The following MPC2 variants were observed in gnomAD, a reference collection of about 807,000 sequenced individuals.
MPC2 encodes brain protein 44.
MPC2 carries 19 observed loss-of-function variants against 19.2 expected under a neutral mutation model. That is an observed-to-expected ratio of 0.99 (90% CI 0.69 to 1.45). The LOEUF (loss-of-function observed/expected upper bound fraction) is 1.45. Ranked by LOEUF, MPC2 falls within the 40% of genes most tolerant of loss-of-function variation. The probability of loss-of-function intolerance (pLI) is 0.00; values close to 1 mark genes in which losing one functional copy is unlikely to be tolerated. For missense variants in MPC2, 122 were observed against 153.0 expected (o/e 0.80, Z 1.07); for synonymous variants, 61 against 54.3 (o/e 1.12, Z -0.54).
chr1:167,919,989 G>C lies in MPC2; in HGVS notation c.337C>G (p.Arg113Gly), dbSNP rs17343090. 1 of 1,609,720 alleles carries C rather than the reference G, an allele frequency of 6.2e-7. No individual in the cohort carries two copies. The highest frequency in any genetic ancestry group is 8.5e-7 in the Non-Finnish European group (1 of 1,178,246). Reference sequence around the variant, plus strand: ...CTCTGGTAGGCTTACCTCCAAATACGAAAAAGCTGAGAGGCTCCTGCTGCC... The same window carrying C: ...CTCTGGTAGGCTTACCTCCAAATACCAAAAAGCTGAGAGGCTCCTGCTGCC... Reference protein sequence around the residue: ...VGAAGASQLFRIWRYNQELKA... With the variant: ...VGAAGASQLFGIWRYNQELKA... The change falls in exon 5 of 6, where the codon CGT becomes GGT. Residue 113 changes from arginine (R) to glycine (G), a missense_variant. Physicochemically the swap from Arg to Gly is moderately radical, Grantham distance 125 (BLOSUM62 -2). Transcript: ENST00000271373.
chr1:167,927,449 G>A (rs1047903194), intron 2 of MPC2, among the ~76,000 whole-genome samples: 8 of 152,192 alleles, frequency 5.3e-5, no homozygotes, highest in Non-Finnish European at 5.9e-5. Context: ...ACTAAGTTTA[G>A]TTTTTATCCT....
intron 1 of MPC2, 76 bp downstream of exon 1, chr1:167,936,862 TC>T: frequency 1.2e-6 from 1 of 812,604 alleles, no homozygotes; most frequent in Non-Finnish European, 2.0e-6. Context: ...CTCCCCCTCC[TC>T]CCCTCCCCCA....
chr1:167,935,633 T>TA, intron 2 of MPC2, 100 bp downstream of exon 2: 1 of 915,090 alleles, frequency 1.1e-6, no homozygotes, highest in South Asian at 1.5e-5. Flanking sequence ...ATTGGGGCTG[T>TA]GGATGCCTCT....
intron 2 of MPC2, among the ~76,000 whole-genome samples, chr1:167,932,556 C>G (rs534499566): frequency 6.6e-6 from 1 of 152,040 alleles, no homozygotes; most frequent in South Asian, 2.1e-4. Context: ...CACCTGTAAT[C>G]CCAGCACTTT....
intron 2 of MPC2, among the ~76,000 whole-genome samples, chr1:167,931,185 G>C (rs1670898753): frequency 6.6e-6 from 1 of 152,184 alleles, no homozygotes; most frequent in Admixed American, 6.5e-5. Flanking sequence ...ACACGCCTCG[G>C]CCTCCCAAAG....
chr1:167,919,281 C>A (rs1029785220), intron 5 of MPC2, among the ~76,000 whole-genome samples: 1 of 152,156 alleles, frequency 6.6e-6, no homozygotes, highest in African/African-American at 2.4e-5. Context: ...GTCTTTCCTT[C>A]CCTTCTACCA....
intron 2 of MPC2, among the ~76,000 whole-genome samples, chr1:167,928,972 A>G (rs1378308396): frequency 3.3e-5 from 5 of 152,228 alleles, no homozygotes; most frequent in Admixed American, 6.5e-5. Flanking sequence ...GAATTAATAC[A>G]TTTTCATCTT....
rs1335207760 is a variant in MPC2, at chr1:167,917,945, T to C, written c.*378A>G. The C allele has an allele frequency of 6.2e-6, 1 of 160,804 alleles. No individual in the cohort carries two copies. Among genetic ancestry groups the C allele is most frequent in the Non-Finnish European group, 1.4e-5 (1 of 73,880 alleles). 10.0% of individuals were successfully genotyped at this position (160,804 alleles called of 1,614,324 possible). A position where few individuals can be genotyped will look rare whatever the true frequency, so the allele number is the denominator to read the frequency against. ...TCTCTTCAGCAAAATTTCCTTTCACTTATAGCTAGCTACCTGACCATCCTA... is the reference window on the plus strand; with the variant it reads ...TCTCTTCAGCAAAATTTCCTTTCACCTATAGCTAGCTACCTGACCATCCTA... On this transcript the variant is annotated 3_prime_UTR_variant, in exon 6 of 6. Transcript: ENST00000271373.
At chr1:167,923,243 A>G (rs1557852961) in intron 3 of MPC2, among the ~76,000 whole-genome samples, 1 of 152,238 alleles carries the variant, frequency 6.6e-6, no homozygotes, top group Non-Finnish European at 1.5e-5. Flanking sequence ...ATTCTTGTAC[A>G]TCAATGTTCA....
intron 2 of MPC2, among the ~76,000 whole-genome samples, chr1:167,927,342 TG>T (rs2102546375): frequency 2.0e-5 from 3 of 152,332 alleles, no homozygotes; most frequent in African/African-American, 7.2e-5. Context: ...TCAAACTCTC[TG>T]GAAATTTAGG....
At position 167,931,420 on chromosome 1, in the gene MPC2, T is replaced by C. The variant is rs1293618038; in HGVS notation, c.109+4313A>G. ...GATATTCTATTTTTCACCAATATTT[T>C]ACAATTGTATTTGAAATTCTAATCT... On this transcript the variant is annotated intron_variant, in intron 2 of 5. Transcript: ENST00000271373. Among the ~76,000 whole-genome samples, 5 of 152,322 alleles carry C rather than the reference T, an allele frequency of 3.3e-5. No homozygotes were observed. The East Asian group carries it at 9.6e-4, about 29-fold the overall frequency.
At chr1:167,932,239 A>C (rs1199925024) in intron 2 of MPC2, among the ~76,000 whole-genome samples, 1 of 152,164 alleles carries the variant, frequency 6.6e-6, no homozygotes, top group Non-Finnish European at 1.5e-5. Context: ...AAACAATTTG[A>C]GTATACATCC....
intron 1 of MPC2, chr1:167,936,286 G>C (rs767177062): frequency 4.9e-5 from 10 of 205,490 alleles, no homozygotes; most frequent in Middle Eastern, 2.2e-3. Context: ...AAGTGAAGCT[G>C]CGCTGGTTCT....
chr1:167,936,775 C>T (rs1671290058), intron 1 of MPC2, 164 bp downstream of exon 1: 1 of 731,508 alleles, frequency 1.4e-6, no homozygotes, highest in South Asian at 1.9e-5. Context: ...CTGCTGCCAC[C>T]GCCATCTAAC....
At chr1:167,925,442 CATATATATATATATATATATAT>C (rs369657697) in intron 2 of MPC2, among the ~76,000 whole-genome samples, 23 of 82,478 alleles carry the variant, frequency 2.8e-4, no homozygotes, top group East Asian at 2.1e-3. Flanking sequence ...TACATATACA[CATATATATATATATATATATAT>C]ATATATATAT....
chr1:167,929,094 C>T (rs1486465039), intron 2 of MPC2, among the ~76,000 whole-genome samples: 2 of 152,212 alleles, frequency 1.3e-5, no homozygotes, highest in East Asian at 3.8e-4. Context: ...CGTGGTGGCT[C>T]ATGCCTGTAA....
intron 2 of MPC2, among the ~76,000 whole-genome samples, chr1:167,929,402 T>C (rs1368015517): frequency 6.6e-6 from 1 of 152,152 alleles, no homozygotes; most frequent in African/African-American, 2.4e-5. Context: ...AACTATGAAC[T>C]ATGTTCAAGA....
intron 5 of MPC2, among the ~76,000 whole-genome samples, chr1:167,918,847 C>T (rs1670533381): frequency 6.6e-6 from 1 of 152,078 alleles, no homozygotes; most frequent in African/African-American, 2.4e-5. Flanking sequence ...CCTGCCTCGG[C>T]CTCCCAAAGT....
intron 2 of MPC2, among the ~76,000 whole-genome samples, chr1:167,932,793 A>G (rs1368739462): frequency 2.0e-5 from 3 of 148,074 alleles, no homozygotes; most frequent in Non-Finnish European, 4.5e-5. Flanking sequence ...TAGGGAACAG[A>G]GCAAGACTCT....
Sources: gnomAD v4.1 joint callset for allele counts (sites outside exome capture counted in the v4.1 genomes callset) on GRCh38, gnomAD v4.1.1 for gene constraint, MANE v1.5 for transcripts, NCBI Gene and HGNC (gene_info 2026-07-23, HGNC 2026-07-21) for gene names.